Variants in SRGAP1 observed in about 807,000 individuals in gnomAD.
The protein encoded by SRGAP1 is SLIT-ROBO Rho GTPase activating protein 1.
In SRGAP1, 43 loss-of-function variants were observed where a neutral mutation model predicts 121.9. That is an observed-to-expected ratio of 0.35 (90% CI 0.28 to 0.46). SRGAP1 has a LOEUF of 0.46. Among genes scored for constraint, SRGAP1 ranks in the 20% least tolerant of loss-of-function variants. SRGAP1 has a pLI of 1.00. For missense variants in SRGAP1, 1,102 were observed against 1,350.9 expected (o/e 0.82, Z 2.89); for synonymous variants, 447 against 485.4 (o/e 0.92, Z 1.04).
intron 1 of SRGAP1, among the ~76,000 whole-genome samples, chr12:63,967,857 C>T (rs1013174445): frequency 6.6e-6 from 1 of 152,190 alleles, no homozygotes; most frequent in Admixed American, 6.5e-5. Context: ...CTGGAGTCAG[C>T]ATCAACAGTG....
chr12:64,122,998 T>G lies in SRGAP1; in HGVS notation c.2225-2979T>G, dbSNP rs78820748. ...ATCTGTTGAATAGTTTTAACTATGT[T>G]GAATGGCCAGCATTGACAGTGTGTG... is the stretch of plus-strand genomic sequence containing the variant. On this transcript the variant is annotated intron_variant, in intron 18 of 21. Transcript: ENST00000355086. Among the ~76,000 whole-genome samples the G allele has an allele frequency of 5.3e-5, 8 of 152,364 alleles. No homozygotes were observed. In the East Asian group the frequency reaches 1.5e-3, roughly 29 times the overall value.
chr12:64,089,595 G>C (rs2036010718), intron 11 of SRGAP1, among the ~76,000 whole-genome samples: 2 of 152,196 alleles, frequency 1.3e-5, no homozygotes, highest in African/African-American at 4.8e-5. Context: ...TGGTTGTTTT[G>C]TTCTTTTTAC....
At chr12:63,847,104 G>A (rs1898928183) in intron 1 of SRGAP1, among the ~76,000 whole-genome samples, 1 of 152,168 alleles carries the variant, frequency 6.6e-6, no homozygotes, top group Non-Finnish European at 1.5e-5. Flanking sequence ...TGAGGCAGGC[G>A]GATCACTTGG....
intron 6 of SRGAP1, among the ~76,000 whole-genome samples, chr12:64,054,250 C>T (rs1489137340): frequency 6.6e-6 from 1 of 152,154 alleles, no homozygotes; most frequent in Non-Finnish European, 1.5e-5. Context: ...GAATAATCCC[C>T]TACTCCAGCC....
At chr12:64,027,148 C>G (rs1331614582) in intron 4 of SRGAP1, among the ~76,000 whole-genome samples, 2 of 152,114 alleles carry the variant, frequency 1.3e-5, no homozygotes, top group African/African-American at 4.8e-5. Context: ...GTGCCAGACA[C>G]TATTCTAAGC....
chr12:63,936,127 G>A (rs1331295377), intron 1 of SRGAP1, among the ~76,000 whole-genome samples: 1 of 151,906 alleles, frequency 6.6e-6, no homozygotes, highest in Non-Finnish European at 1.5e-5. Flanking sequence ...TTTTTAAAAA[G>A]AGACTGCCCA....
chr12:63,894,523 G>A (rs1419384455), intron 1 of SRGAP1, among the ~76,000 whole-genome samples: 1 of 150,798 alleles, frequency 6.6e-6, no homozygotes, highest in Non-Finnish European at 1.5e-5. Flanking sequence ...TGCACAACAT[G>A]CAGGTTTGTT....
At chr12:64,005,551 C>T (rs2034053970) in intron 3 of SRGAP1, among the ~76,000 whole-genome samples, 1 of 152,032 alleles carries the variant, frequency 6.6e-6, no homozygotes, top group Admixed American at 6.6e-5. Flanking sequence ...GAGGCAGAGG[C>T]AGGAGGCTTA....
chr12:64,072,106 CTCTGTGTGTGTGTGTGTG>C, intron 8 of SRGAP1, among the ~76,000 whole-genome samples: 1 of 37,804 alleles, frequency 2.6e-5, no homozygotes, highest in African/African-American at 6.8e-5. Flanking sequence ...CCCAATCTCT[CTCTGTGTGTGTGTGTGTG>C]TGTGTGTGTG....
At chr12:64,011,394 T>A (rs2034247773) in intron 3 of SRGAP1, among the ~76,000 whole-genome samples, 1 of 152,178 alleles carries the variant, frequency 6.6e-6, no homozygotes, top group Non-Finnish European at 1.5e-5. Flanking sequence ...GTGACATTGT[T>A]GTCCTAGAAG....
chr12:63,967,570 G>A (rs1171262268), intron 1 of SRGAP1, among the ~76,000 whole-genome samples: 2 of 152,208 alleles, frequency 1.3e-5, no homozygotes, highest in Non-Finnish European at 2.9e-5. Flanking sequence ...GGTTGGAGTT[G>A]CCTGACAAAA....
chr12:64,146,554 G>A lies in SRGAP1; in HGVS notation c.*3882G>A, dbSNP rs1030630933. ...AGCCTATGTGTCTCTTGAGGCGGGG[G>A]TTAGAGGATTCAAATTTGGGATGAT... On this transcript the variant is annotated 3_prime_UTR_variant, in exon 22 of 22. Transcript: ENST00000355086. The A allele has an allele frequency of 1.3e-5, 2 of 152,140 alleles. No homozygotes were observed. Among genetic ancestry groups the A allele is most frequent in the African/African-American group, 2.4e-5 (1 of 41,426 alleles). 9.4% of individuals were successfully genotyped at this position (152,140 alleles called of 1,614,324 possible). A position where few individuals can be genotyped will look rare whatever the true frequency, so the allele number is the denominator to read the frequency against.
At chr12:64,045,926 T>C (rs570323427) in intron 6 of SRGAP1, among the ~76,000 whole-genome samples, 66 of 152,160 alleles carry the variant, frequency 4.3e-4, no homozygotes, top group Non-Finnish European at 9.1e-4. Flanking sequence ...TACATACAAG[T>C]ACATGTATAC....
At position 64,143,002 on chromosome 12, in the gene SRGAP1, A is replaced by G; in HGVS notation, c.*330A>G. 3.9e-6 allele frequency: 1 copy of G among 254,676 alleles called. No homozygotes were observed. Among genetic ancestry groups the G allele is most frequent in the Non-Finnish European group, 7.6e-6 (1 of 130,918 alleles). 15.8% of individuals were successfully genotyped at this position (254,676 alleles called of 1,614,324 possible). A position where few individuals can be genotyped will look rare whatever the true frequency, so the allele number is the denominator to read the frequency against. ...CTTCAGGTTTAATGTAGCCCAGCTG[A>G]GTCAGAAAGGTTGTGACCTGAAGGC... On this transcript the variant is annotated 3_prime_UTR_variant, in exon 22 of 22. Transcript: ENST00000355086.
At position 63,928,919 on chromosome 12, in the gene SRGAP1, T is replaced by C. The variant is rs562913389; in HGVS notation, c.68-55028T>C. ...TGAGAATCTAATGGTGCCATTGATA[T>C]GACAGGAGGCAGAGCTCAGGCAGTA... On this transcript the variant is annotated intron_variant, in intron 1 of 21. Transcript: ENST00000355086. Among the ~76,000 whole-genome samples the C allele has an allele frequency of 1.6e-4, 25 of 152,296 alleles. 1 individual carries two copies. In the South Asian group the frequency reaches 5.0e-3, roughly 30 times the overall value.
chr12:63,980,179 G>C (rs2033209741), intron 1 of SRGAP1, among the ~76,000 whole-genome samples: 1 of 152,058 alleles, frequency 6.6e-6, no homozygotes, highest in Non-Finnish European at 1.5e-5. Flanking sequence ...CAGCCTCCTG[G>C]GTAGTTGGGA....
At chr12:64,051,365 A>G (rs2035236348) in intron 6 of SRGAP1, among the ~76,000 whole-genome samples, 1 of 152,208 alleles carries the variant, frequency 6.6e-6, no homozygotes, top group African/African-American at 2.4e-5. Context: ...TGGATATTTT[A>G]AAACCTCTCA....
At chr12:64,013,600 T>C (rs1322504384) in intron 3 of SRGAP1, among the ~76,000 whole-genome samples, 1 of 152,166 alleles carries the variant, frequency 6.6e-6, no homozygotes, top group Non-Finnish European at 1.5e-5. Flanking sequence ...CCACAACAAC[T>C]TTTCACAAAA....
At chr12:63,908,471 C>T (rs1290230318) in intron 1 of SRGAP1, among the ~76,000 whole-genome samples, 3 of 152,160 alleles carry the variant, frequency 2.0e-5, no homozygotes, top group South Asian at 2.1e-4. Context: ...CTCACTGCAA[C>T]CTCTGCCTCC....
Sources: allele counts gnomAD v4.1 joint callset (sites outside exome capture counted in the v4.1 genomes callset), GRCh38; gene constraint gnomAD v4.1.1; transcripts MANE v1.5; gene names NCBI Gene and HGNC (gene_info 2026-07-23, HGNC 2026-07-21).